Variants in DAAM2 observed in about 807,000 individuals in gnomAD.
DAAM2 encodes dishevelled associated activator of morphogenesis 2.
Under a neutral mutation model 120.7 loss-of-function variants are expected in DAAM2, and 39 were observed. That is an observed-to-expected ratio of 0.32 (90% confidence interval 0.25 to 0.42). The LOEUF (loss-of-function observed/expected upper bound fraction) is 0.42, where lower values mean the gene tolerates loss of function less well. DAAM2 is among the 10% of genes least tolerant of loss of function. The pLI, the probability that DAAM2 is intolerant of heterozygous loss-of-function variation, is 1.00. For synonymous variants in DAAM2, 488 were observed against 524.9 expected, an observed-to-expected ratio of 0.93 and a Z score of 0.96; for missense variants, 1,283 against 1,401.7, an observed-to-expected ratio of 0.92 and a Z score of 1.35.
At chr6:39,843,831 G>C (rs1056626138) in intron 1 of DAAM2, among the ~76,000 whole-genome samples, 1 of 152,180 alleles carries the variant, frequency 6.6e-6, no homozygotes, top group Admixed American at 6.5e-5. Context: ...AGCTGGGATG[G>C]GGAGATGGGG....
At chr6:39,792,507 G>A (rs999010101) in intron 1 of DAAM2, 42 bp downstream of exon 1, 4 of 152,110 alleles carry the variant, frequency 2.6e-5, no homozygotes, top group African/African-American at 9.6e-5. Context: ...TTGGGGCCCG[G>A]GCCGCGGGGA....
At chr6:39,844,091 C>A (rs918077342) in intron 1 of DAAM2, among the ~76,000 whole-genome samples, 1 of 152,112 alleles carries the variant, frequency 6.6e-6, no homozygotes, top group Non-Finnish European at 1.5e-5. Flanking sequence ...AGGATGCTAG[C>A]ATACTTAAAT....
At chr6:39,861,259 T>C in intron 3 of DAAM2, 4 of 545,888 alleles carry the variant, frequency 7.3e-6, no homozygotes, top group South Asian at 7.1e-5. Flanking sequence ...ATCCCAGGAC[T>C]GGGGCTTGCT....
intron 1 of DAAM2, among the ~76,000 whole-genome samples, chr6:39,824,330 A>G (rs1331224774): frequency 2.0e-5 from 3 of 152,070 alleles, no homozygotes; most frequent in African/African-American, 4.8e-5. Context: ...TAGCTGTACC[A>G]TTTTGGGAAA....
intron 1 of DAAM2, among the ~76,000 whole-genome samples, chr6:39,843,298 G>A (rs1037141371): frequency 6.6e-6 from 1 of 152,170 alleles, no homozygotes; most frequent in Non-Finnish European, 1.5e-5. Context: ...AAAGCAGGGA[G>A]TGTGGAGTGG....
chr6:39,862,107 A>G (rs1406162252), intron 3 of DAAM2: 1 of 152,152 alleles, frequency 6.6e-6, no homozygotes, highest in Non-Finnish European at 1.5e-5. Context: ...TTATTCTACA[A>G]ATGAGGCCAA....
At chr6:39,823,456 C>G (rs918684770) in intron 1 of DAAM2, among the ~76,000 whole-genome samples, 5 of 152,206 alleles carry the variant, frequency 3.3e-5, no homozygotes, top group African/African-American at 9.7e-5. Context: ...AACGAAGACT[C>G]TTGAGTTCAG....
At position 39,900,084 on chromosome 6, in the gene DAAM2, A is replaced by G. The variant is rs368875201; in HGVS notation, c.2687A>G (p.Glu896Gly). 5 of 1,601,190 alleles carry G rather than the reference A, an allele frequency of 3.1e-6. No individual in the cohort carries two copies. The African/African-American group carries it at 6.7e-5, about 21-fold the overall frequency. ...RGLRAVEVEL[E>G]YQRRQVREPS... ...TTCACCCTCCCTCCTCAGGAGCTGG[A>G]GTATCAGAGGCGCCAGGTACGGGAG... The change falls in exon 23 of 25, where the codon GAG becomes GGG. Residue 896 changes from glutamate to glycine, a missense_variant. By Grantham distance (98) the Glu-to-Gly change is moderately conservative. Around this residue, in one of 3 missense-constraint regions of DAAM2, gnomAD observed 748 missense variants for 768.6 expected, o/e 0.97. Transcript: ENST00000274867.
chr6:39,873,981 C>T (rs1167691667), intron 10 of DAAM2, among the ~76,000 whole-genome samples: 1 of 152,184 alleles, frequency 6.6e-6, no homozygotes, highest in East Asian at 1.9e-4. Flanking sequence ...AAGCTCTTCA[C>T]AAAAGAGAAT....
intron 1 of DAAM2, among the ~76,000 whole-genome samples, chr6:39,854,988 A>G (rs933768846): frequency 1.2e-4 from 19 of 152,216 alleles, no homozygotes; most frequent in Admixed American, 8.5e-4. Context: ...GAGGCATTCT[A>G]ATCTGTTAAT....
At position 39,903,749 on chromosome 6, in the gene DAAM2, G is replaced by A. The variant is rs74340117; in HGVS notation, c.*1712G>A. ...CTGGGGCTGGGACCGTAGTAGCTGC[G>A]GGGGGGAAGAAACACAGGGTCGGTG... On this transcript the variant is annotated 3_prime_UTR_variant, in exon 25 of 25. Transcript: ENST00000274867. 4,463 of 166,296 alleles carry A rather than the reference G, an allele frequency of 0.027. 225 individuals are homozygous for A. The highest frequency in any genetic ancestry group is 0.1 in the African/African-American group (4,155 of 41,612). 10.3% of individuals were successfully genotyped at this position (166,296 alleles called of 1,614,324 possible). A position where few individuals can be genotyped will look rare whatever the true frequency, so the allele number is the denominator to read the frequency against.
intron 1 of DAAM2, chr6:39,821,105 C>T (rs1762473538): frequency 6.6e-6 from 1 of 152,222 alleles, no homozygotes; most frequent in South Asian, 2.1e-4. Flanking sequence ...GCTTATCCTC[C>T]CTTGCTCCTT....
At chr6:39,843,787 G>A (rs1312094087) in intron 1 of DAAM2, among the ~76,000 whole-genome samples, 2 of 152,146 alleles carry the variant, frequency 1.3e-5, no homozygotes, top group South Asian at 2.1e-4. Context: ...TAGGTACAGG[G>A]TTTGGTCATG....
intron 1 of DAAM2, among the ~76,000 whole-genome samples, chr6:39,815,806 C>T (rs954050606): frequency 7.2e-5 from 11 of 152,136 alleles, no homozygotes; most frequent in Non-Finnish European, 1.2e-4. Context: ...ATAGATTGGC[C>T]AAAGGTTACA....
chr6:39,894,263 T>C (rs1223180696), intron 19 of DAAM2, among the ~76,000 whole-genome samples: 1 of 152,264 alleles, frequency 6.6e-6, no homozygotes, highest in Admixed American at 6.5e-5. Flanking sequence ...GCCAACATTT[T>C]AGCATTTTTA....
chr6:39,868,997 A>G, intron 7 of DAAM2, 64 bp downstream of exon 7: 1 of 1,179,184 alleles, frequency 8.5e-7, no homozygotes. Flanking sequence ...AGAGTGTGTG[A>G]GTGTGTTGCT....
chr6:39,823,079 A>G (rs1385035624), intron 1 of DAAM2: 1 of 152,176 alleles, frequency 6.6e-6, no homozygotes, highest in East Asian at 1.9e-4. Flanking sequence ...ATAACCTACT[A>G]TTGGCATGCG....
intron 1 of DAAM2, among the ~76,000 whole-genome samples, chr6:39,808,969 G>C (rs893886384): frequency 6.6e-6 from 1 of 152,236 alleles, no homozygotes; most frequent in East Asian, 1.9e-4. Flanking sequence ...GTGTATTGTT[G>C]TCTCTGTCAG....
At chr6:39,808,643 A>G (rs901153328) in intron 1 of DAAM2, among the ~76,000 whole-genome samples, 4 of 152,190 alleles carry the variant, frequency 2.6e-5, no homozygotes, top group African/African-American at 9.6e-5. Flanking sequence ...CTTACTTTTT[A>G]TGATAGCTTC....
Sources: gnomAD v4.1 joint callset for allele counts (sites outside exome capture counted in the v4.1 genomes callset) on GRCh38, gnomAD v4.1.1 for gene constraint, gnomAD v4.1.1 regional missense constraint, MANE v1.5 for transcripts, NCBI Gene and HGNC (gene_info 2026-07-23, HGNC 2026-07-21) for gene names.